SLC2A1: variants seen among roughly 807,000 people sequenced by gnomAD.
SLC2A1 encodes solute carrier family 2 member 1, also known as solute carrier family 2, facilitated glucose transporter member 1.
Under a neutral mutation model 46.6 loss-of-function variants are expected in SLC2A1, and 4 were observed. That is an observed-to-expected ratio of 0.09 (90% CI 0.04 to 0.20). SLC2A1 has a LOEUF of 0.20. Ranked by LOEUF, SLC2A1 falls within the 10% of genes least tolerant of loss-of-function variation. The pLI is 1.00. For missense variants in SLC2A1, 352 were observed against 667.0 expected, an observed-to-expected ratio of 0.53 and a Z score of 5.20; for synonymous variants, 253 against 270.0, an observed-to-expected ratio of 0.94 and a Z score of 0.62.
chr1:42,945,807 G>C (rs904906801), intron 1 of SLC2A1, among the ~76,000 whole-genome samples: 1 of 151,854 alleles, frequency 6.6e-6, no homozygotes, highest in East Asian at 1.9e-4. Context: ...ACCCCGGGGG[G>C]GCCTGGGTGA....
In SLC2A1 at chr1:42,929,417, G is replaced by C; in HGVS notation, c.868-103C>G. The C allele has an allele frequency of 8.8e-7, 1 of 1,135,092 alleles. No individual in the cohort carries two copies. The highest frequency in any genetic ancestry group is 1.3e-6 in the Non-Finnish European group (1 of 763,568). The allele number at this position is 1,135,092 out of a possible 1,614,324, so 70.3% of individuals were successfully genotyped here. ...CCCAGGATGAGTAAAGAATGAAGGG[G>C]ACAAATACTCAGGCAGAAGGGACAC... On this transcript the variant is annotated intron_variant, in intron 6 of 9. Coordinates refer to ENST00000426263, the MANE Select transcript of SLC2A1 (RefSeq NM_006516.4). This position sits in a 1 kb window ranked among gnomAD's most constrained non-coding sequence, Gnocchi z 6.0.
rs1224609317 is a variant in SLC2A1, at chr1:42,943,209, G to A, written c.114+17C>T. The A allele has an allele frequency of 8.3e-6, 13 of 1,575,162 alleles. 1 individual carries two copies. The highest frequency in any genetic ancestry group is 3.3e-5 in the South Asian group (3 of 89,844). Reference sequence around the variant, plus strand: ...AGCAGGCTGGTGTCCATAAGCCAACGATGGCACAGTACTCACCTTCTGGGG... The same window carrying A: ...AGCAGGCTGGTGTCCATAAGCCAACAATGGCACAGTACTCACCTTCTGGGG... On this transcript the variant is annotated intron_variant, in intron 2 of 9. Coordinates refer to ENST00000426263, the MANE Select transcript of SLC2A1 (RefSeq NM_006516.4).
At chr1:42,953,779 G>A (rs1353997046) in intron 1 of SLC2A1, among the ~76,000 whole-genome samples, 1 of 152,170 alleles carries the variant, frequency 6.6e-6, no homozygotes, top group Non-Finnish European at 1.5e-5. Flanking sequence ...AGCTGATTAC[G>A]GGGGATTTGA....
intron 1 of SLC2A1, among the ~76,000 whole-genome samples, chr1:42,944,055 T>A (rs1643626274): frequency 6.6e-6 from 1 of 152,022 alleles, no homozygotes; most frequent in Non-Finnish European, 1.5e-5. Flanking sequence ...ACGGCAATAA[T>A]CCCCAAACCA....
At chr1:42,946,550 C>A (rs1194244137) in intron 1 of SLC2A1, among the ~76,000 whole-genome samples, 1 of 151,888 alleles carries the variant, frequency 6.6e-6, no homozygotes, top group East Asian at 1.9e-4. Context: ...TGCCTGGGTA[C>A]AAAAAAAGAT....
At chr1:42,953,650 T>A (rs1354480208) in intron 1 of SLC2A1, among the ~76,000 whole-genome samples, 1 of 152,224 alleles carries the variant, frequency 6.6e-6, no homozygotes, top group Non-Finnish European at 1.5e-5. Flanking sequence ...CTCCCCAGCT[T>A]TGCCAGTCTT....
At position 42,929,485 on chromosome 1, in the gene SLC2A1, T is replaced by A. The variant is rs535375679; in HGVS notation, c.867+108A>T. Reference sequence around the variant, plus strand: ...ACGGGCTTGGGGTCTAAAGGGAAACTTCTTCGGCAGAGGCGTATCTGTTGT... The same window carrying A: ...ACGGGCTTGGGGTCTAAAGGGAAACATCTTCGGCAGAGGCGTATCTGTTGT... On this transcript the variant is annotated intron_variant, in intron 6 of 9. Transcript: ENST00000426263. This position sits in a 1 kb window ranked among gnomAD's most constrained non-coding sequence, Gnocchi z 6.0. The A allele has an allele frequency of 6.4e-6, 8 of 1,252,248 alleles. No homozygotes were observed. The highest frequency in any genetic ancestry group is 4.7e-5 in the East Asian group (2 of 42,400). The allele number at this position is 1,252,248 out of a possible 1,614,324, so 77.6% of individuals were successfully genotyped here.
Position 42,929,837 on chromosome 1 carries a change from C to T in SLC2A1, c.679+36G>A, listed in dbSNP as rs779651187. The T allele has an allele frequency of 6.2e-6, 10 of 1,613,978 alleles. No individual in the cohort carries two copies. In the South Asian group the frequency reaches 8.8e-5, roughly 14 times the overall value. The stretch of plus-strand genomic sequence containing the variant: ...TCAGAGTGGGAAGAAGGCCAGGGCT[C>T]AGGGAGTGGGGAGGAGGGCAGGGCC... On this transcript the variant is annotated intron_variant, in intron 5 of 9. Transcript: ENST00000426263. The surrounding 1 kb of genome is among the most constrained non-coding windows in gnomAD (Gnocchi z 6.0).
At chr1:42,945,738 C>CAAAAA (rs1166067644) in intron 1 of SLC2A1, among the ~76,000 whole-genome samples, 6 of 115,476 alleles carry the variant, frequency 5.2e-5, no homozygotes, top group South Asian at 2.7e-4. Context: ...GACTCTGTCT[C>CAAAAA]AAAAAAAAAA....
chr1:42,952,219 G>C, intron 1 of SLC2A1: 1 of 426,816 alleles, frequency 2.3e-6, no homozygotes, highest in South Asian at 2.2e-5. Context: ...GGGCTCAAAG[G>C]CTACTTTGTG....
rs1553155869 is a variant in SLC2A1 at position 42,927,574 on chromosome 1, G to GGTGAGAAAT, written c.1278+30_1278+31insATTTCTCAC. ...CACAGCACTGTGGGGTCATGCGTGCGGGTGAGTATAGAGACAGTGGGGGTT... is the reference window on the plus strand; with the variant it reads ...CACAGCACTGTGGGGTCATGCGTGCGGTGAGAAATGGTGAGTATAGAGACAGTGGGGGTT... On this transcript the variant is annotated intron_variant, in intron 9 of 9. Coordinates refer to ENST00000426263, the MANE Select transcript of SLC2A1 (RefSeq NM_006516.4). This position sits in a 1 kb window ranked among gnomAD's most constrained non-coding sequence, Gnocchi z 5.3. The GGTGAGAAAT allele has an allele frequency of 1.3e-5, 21 of 1,570,612 alleles. No homozygotes were observed. The highest frequency in any genetic ancestry group is 1.2e-4 in the African/African-American group (9 of 73,594).
Position 42,943,312 on chromosome 1 carries a change from C to A in SLC2A1, c.28G>T (p.Gly10Cys). 1 of 1,613,538 alleles carries A rather than the reference C, an allele frequency of 6.2e-7. No individual in the cohort carries two copies. Among genetic ancestry groups the A allele is most frequent in the South Asian group, 1.1e-5 (1 of 90,996 alleles). Residue 10 changes from glycine (G) to cysteine (C), a missense_variant, in exon 2 of 10, where the codon GGT (glycine) becomes TGT (cysteine). Transcript: ENST00000426263. The part of the protein sequence containing the change: MEPSSKKLT[G>C]RLMLAVGGAV... ...CCTCCCACGGCCAGCATGAGGCGAC[C>A]CGTCAGCTTCTGCGGAGAAACAAAC...
At chr1:42,928,892 C>T in intron 8 of SLC2A1, 40 bp downstream of exon 8, 1 of 1,573,094 alleles carries the variant, frequency 6.4e-7, no homozygotes, top group Non-Finnish European at 8.7e-7. Flanking sequence ...CCCAGGCAAA[C>T]TCTCCCGCAT....
chr1:42,933,832 A>G (rs947182232), intron 2 of SLC2A1, among the ~76,000 whole-genome samples: 1 of 152,114 alleles, frequency 6.6e-6, no homozygotes, highest in Non-Finnish European at 1.5e-5. Context: ...CCAGACCTAC[A>G]AGCAGGGCTG....
chr1:42,934,874 C>T (rs1302030789), intron 2 of SLC2A1, among the ~76,000 whole-genome samples: 1 of 152,172 alleles, frequency 6.6e-6, no homozygotes, highest in Non-Finnish European at 1.5e-5. Flanking sequence ...ACTTCTCTAC[C>T]CAGGCAGCCT....
intron 2 of SLC2A1, among the ~76,000 whole-genome samples, chr1:42,932,364 C>T (rs1161925563): frequency 6.6e-6 from 1 of 151,852 alleles, no homozygotes; most frequent in Non-Finnish European, 1.5e-5. Context: ...ATGGGACTGG[C>T]CAGACCCACC....
Position 42,927,844 on chromosome 1 carries a change from T to G in SLC2A1, c.1075-36A>C, listed in dbSNP as rs1329858256. ...TGACGGAGAGGGGGAAAAGTTAGAC[T>G]GGGTTGTGATGGATCCTCAGGGGAA... On this transcript the variant is annotated intron_variant, in intron 8 of 9. Coordinates refer to ENST00000426263, the MANE Select transcript of SLC2A1 (RefSeq NM_006516.4). This position sits in a 1 kb window ranked among gnomAD's most constrained non-coding sequence, Gnocchi z 5.3. The G allele has an allele frequency of 6.8e-7, 1 of 1,478,334 alleles. No homozygotes were observed. Among genetic ancestry groups the G allele is most frequent in the Non-Finnish European group, 9.3e-7 (1 of 1,069,892 alleles). 91.6% of individuals were successfully genotyped at this position (1,478,334 alleles called of 1,614,324 possible).
rs1231358540 is a variant in SLC2A1 at position 42,954,520 on chromosome 1, C to G, written c.18+4114G>C. Among the ~76,000 whole-genome samples the G allele has an allele frequency of 6.6e-6, 1 of 152,170 alleles. No homozygotes were observed. Among genetic ancestry groups the G allele is most frequent in the Non-Finnish European group, 1.5e-5 (1 of 68,024 alleles). ...AGCCTGGGCAACAAGAGCGAAACTC[C>G]GTCTCAAAAATCAAAACAAAACACA... On this transcript the variant is annotated intron_variant, in intron 1 of 9. Coordinates refer to ENST00000426263, the MANE Select transcript of SLC2A1 (RefSeq NM_006516.4). This position sits in a 1 kb window ranked among gnomAD's most constrained non-coding sequence, Gnocchi z 4.2.
intron 1 of SLC2A1, among the ~76,000 whole-genome samples, chr1:42,945,302 C>T (rs185779075): frequency 2.0e-5 from 3 of 152,106 alleles, no homozygotes; most frequent in East Asian, 1.9e-4. Flanking sequence ...CCTGGGAGTT[C>T]GAGGCCGCAG....
Sources: gnomAD v4.1 joint callset for allele counts (sites outside exome capture counted in the v4.1 genomes callset) on GRCh38, gnomAD v4.1.1 for gene constraint, Gnocchi (gnomAD v3.1) non-coding constraint, MANE v1.5 for transcripts, NCBI Gene and HGNC (gene_info 2026-07-23, HGNC 2026-07-21) for gene names.